RARB: variants seen among roughly 807,000 people sequenced by gnomAD.
RARB encodes HBV-activated protein.
A neutral mutation model predicts 51.9 loss-of-function variants in RARB; 17 were observed. The ratio of observed to expected loss-of-function variants is 0.33; its 90% confidence interval spans 0.22 to 0.49. RARB has a LOEUF of 0.49. Among genes scored for constraint, RARB ranks in the 20% least tolerant of loss-of-function variants. The probability of loss-of-function intolerance (pLI) is 0.99; values close to 1 mark genes in which losing one functional copy is unlikely to be tolerated. For synonymous variants in RARB, 215 were observed against 195.4 expected (o/e 1.10, Z -0.84); for missense variants, 369 against 550.8 (o/e 0.67, Z 3.30).
At chr3:24,976,508 C>T (rs1027419152) in intron 2 of RARB, among the ~76,000 whole-genome samples, 1 of 152,196 alleles carries the variant, frequency 6.6e-6, no homozygotes, top group Non-Finnish European at 1.5e-5. Context: ...ATTTGCATTT[C>T]TCTGATGACC....
At chr3:25,259,383 AT>A (rs1163953439) in intron 5 of RARB, among the ~76,000 whole-genome samples, 98 of 152,262 alleles carry the variant, frequency 6.4e-4, no homozygotes, top group African/African-American at 2.3e-3. Flanking sequence ...AATGTAAAAA[AT>A]GTAAGAAAAA....
At chr3:25,526,057 GATAGAGA>G (rs1169008541) in intron 3 of RARB, among the ~76,000 whole-genome samples, 1 of 152,170 alleles carries the variant, frequency 6.6e-6, no homozygotes, top group Non-Finnish European at 1.5e-5. Flanking sequence ...ATCAAGCTGT[GATAGAGA>G]ATAAGTAGGG....
At chr3:25,524,015 A>G (rs1214399171) in intron 3 of RARB, among the ~76,000 whole-genome samples, 2 of 152,234 alleles carry the variant, frequency 1.3e-5, no homozygotes, top group East Asian at 1.9e-4. Flanking sequence ...CTGAAGCACA[A>G]TGAATTTTCT....
Position 25,420,564 on chromosome 3 carries a change from C to A in RARB, c.179-40629C>A, listed in dbSNP as rs1405792171. On this transcript the variant is annotated intron_variant, in intron 5 of 11. Coordinates refer to the RARB transcript ENST00000383772. The stretch of plus-strand genomic sequence containing the variant: ...TGCCAGCACATTTCATCAGAAAATT[C>A]TTTTCAAGGATTCTAGAGAAAGATA... Among the ~76,000 whole-genome samples, 8 of 152,304 alleles carry A rather than the reference C, an allele frequency of 5.3e-5. No homozygotes were observed. In the South Asian group the frequency reaches 1.0e-3, roughly 20 times the overall value.
At chr3:25,431,947 TGAAA>T (rs1708226515) in intron 1 of RARB, among the ~76,000 whole-genome samples, 1 of 152,114 alleles carries the variant, frequency 6.6e-6, no homozygotes, top group South Asian at 2.1e-4. Flanking sequence ...AGATACCCTC[TGAAA>T]GAAAGACTAA....
chr3:25,275,277 A>G (rs1703354089), intron 5 of RARB, among the ~76,000 whole-genome samples: 3 of 152,186 alleles, frequency 2.0e-5, no homozygotes, highest in Admixed American at 2.0e-4. Flanking sequence ...GCCTGGGCAC[A>G]TGGCAAAACC....
At chr3:25,465,401 T>TA (rs1450806328) in intron 2 of RARB, among the ~76,000 whole-genome samples, 1 of 152,188 alleles carries the variant, frequency 6.6e-6, no homozygotes, top group East Asian at 1.9e-4. Flanking sequence ...TTTACTACTG[T>TA]AAGCTGAGAA....
At chr3:24,869,719 A>AT (rs1434517003) in intron 2 of RARB, among the ~76,000 whole-genome samples, 1 of 152,138 alleles carries the variant, frequency 6.6e-6, no homozygotes, top group Non-Finnish European at 1.5e-5. Flanking sequence ...ATATTTTTAA[A>AT]TTTTTTGCAT....
At chr3:24,899,405 C>T (rs1703548992) in intron 2 of RARB, among the ~76,000 whole-genome samples, 1 of 152,192 alleles carries the variant, frequency 6.6e-6, no homozygotes, top group African/African-American at 2.4e-5. Context: ...GCTTCCAGCT[C>T]CTTCAGAAAT....
intron 2 of RARB, among the ~76,000 whole-genome samples, chr3:24,897,974 T>C (rs1042323485): frequency 6.6e-6 from 1 of 152,174 alleles, no homozygotes; most frequent in Non-Finnish European, 1.5e-5. Flanking sequence ...ATAAAATGGG[T>C]GTTGAGAAAG....
chr3:25,033,592 T>C (rs532546189), intron 2 of RARB, among the ~76,000 whole-genome samples: 37 of 152,232 alleles, frequency 2.4e-4, no homozygotes, highest in African/African-American at 8.2e-4. Context: ...ATGTTGACAA[T>C]CAGGTCAACA....
At chr3:25,174,629 C>T in intron 5 of RARB, 1 of 1,324,800 alleles carries the variant, frequency 7.5e-7, no homozygotes, top group Non-Finnish European at 1.0e-6. Flanking sequence ...GATGAAGGGA[C>T]CTGAGAAAAC....
chr3:25,268,453 T>C (rs1487479522), intron 5 of RARB, among the ~76,000 whole-genome samples: 1 of 152,222 alleles, frequency 6.6e-6, no homozygotes, highest in East Asian at 1.9e-4. Flanking sequence ...TTTCATATTA[T>C]TTTCTCCAAC....
chr3:24,935,716 A>T (rs776235465), intron 2 of RARB, among the ~76,000 whole-genome samples: 9 of 152,148 alleles, frequency 5.9e-5, no homozygotes, highest in Non-Finnish European at 1.3e-4. Flanking sequence ...GCCTGGCAGG[A>T]TGAGAAAATC....
At chr3:25,343,002 C>G (rs1039601906) in intron 5 of RARB, among the ~76,000 whole-genome samples, 1 of 143,414 alleles carries the variant, frequency 7.0e-6, no homozygotes, top group African/African-American at 2.7e-5. Flanking sequence ...GGCTGATTTC[C>G]TGTTTACATT....
chr3:25,096,935 ATCT>A (rs1433496514), intron 3 of RARB, among the ~76,000 whole-genome samples: 1 of 152,196 alleles, frequency 6.6e-6, no homozygotes. Flanking sequence ...CTCTGATCAA[ATCT>A]TCTCCAGCCT....
At chr3:25,259,979 GC>G (rs1225224713) in intron 5 of RARB, 7 of 985,218 alleles carry the variant, frequency 7.1e-6, no homozygotes, top group Non-Finnish European at 7.2e-6. Flanking sequence ...CAACTTCTCA[GC>G]CAGCCTTTTA....
intron 4 of RARB, among the ~76,000 whole-genome samples, chr3:25,169,966 T>A (rs1236018819): frequency 8.7e-5 from 12 of 138,034 alleles, no homozygotes; most frequent in Admixed American, 3.1e-4. Flanking sequence ...CCAGCCTGGG[T>A]GACAGAGCGA....
At chr3:25,277,091 C>T (rs931633569) in intron 5 of RARB, among the ~76,000 whole-genome samples, 14 of 152,092 alleles carry the variant, frequency 9.2e-5, no homozygotes, top group Non-Finnish European at 1.9e-4. Context: ...CCTATACCCA[C>T]GTATTACTGG....
Sources: gnomAD v4.1 joint callset for allele counts (sites outside exome capture counted in the v4.1 genomes callset) on GRCh38, gnomAD v4.1.1 for gene constraint, MANE v1.5 for transcripts, NCBI Gene and HGNC (gene_info 2026-07-23, HGNC 2026-07-21) for gene names.